The following STPG2 variants were observed in gnomAD, a reference collection of about 807,000 sequenced individuals.
STPG2 encodes sperm tail PG-rich repeat containing 2.
Under a neutral mutation model 54.2 loss-of-function variants are expected in STPG2, and 56 were observed. The ratio of observed to expected loss-of-function variants is 1.03; its 90% CI spans 0.83 to 1.29. STPG2 has a LOEUF of 1.29. Among genes scored for constraint, STPG2 ranks in the 50% most tolerant of loss-of-function variants. STPG2 has a pLI of 0.00. For synonymous variants in STPG2, 200 were observed against 181.8 expected (o/e 1.10, Z -0.81); for missense variants, 596 against 544.9 (o/e 1.09, Z -0.93).
rs114225802 is a variant in STPG2 at position 97,975,826 on chromosome 4, A to G, written c.773-3386T>C. ...AGTGTTTGTCCAAGAACAATCTACA[A>G]GATAAGGGGTTTACAACTAAATGTA... On this transcript the variant is annotated intron_variant, in intron 6 of 10. Transcript: ENST00000295268. 2.8e-3 allele frequency among the ~76,000 whole-genome samples: 433 copies of G among 152,322 alleles called. 2 individuals carry two copies. The highest frequency in any genetic ancestry group is 9.8e-3 in the African/African-American group (408 of 41,578).
intron 9 of STPG2, among the ~76,000 whole-genome samples, chr4:97,779,729 T>C (rs1244751374): frequency 2.6e-5 from 4 of 152,172 alleles, no homozygotes; most frequent in African/African-American, 4.8e-5. Context: ...TAACAGCGGA[T>C]AACTCAGCAG....
intron 5 of STPG2, among the ~76,000 whole-genome samples, chr4:98,037,983 C>T (rs1360034100): frequency 6.6e-6 from 1 of 151,932 alleles, no homozygotes; most frequent in African/African-American, 2.4e-5. Context: ...TTAGATGTGA[C>T]GATTGTATAA....
intron 10 of STPG2, among the ~76,000 whole-genome samples, chr4:97,658,680 A>G (rs1722287998): frequency 6.6e-6 from 1 of 152,234 alleles, no homozygotes; most frequent in Non-Finnish European, 1.5e-5. Context: ...GGATGTGGAC[A>G]TGAGTGGGAC....
chr4:97,924,665 A>T (rs887460570), intron 8 of STPG2, among the ~76,000 whole-genome samples: 1 of 152,226 alleles, frequency 6.6e-6, no homozygotes, highest in Non-Finnish European at 1.5e-5. Context: ...TCTTAAGATG[A>T]TTAGACATTT....
At chr4:97,663,740 TC>T (rs1722442731) in intron 10 of STPG2, among the ~76,000 whole-genome samples, 1 of 152,212 alleles carries the variant, frequency 6.6e-6, no homozygotes, top group Admixed American at 6.5e-5. Context: ...GAGAGCTGTT[TC>T]ATCTGAAGTT....
At position 97,486,383 on chromosome 4, in the gene STPG2, C is replaced by T. The variant is rs56736506; in HGVS notation, c.462+226316G>A. 2.8e-3 allele frequency among the ~76,000 whole-genome samples: 430 copies of T among 151,570 alleles called. 3 individuals are homozygous for T. The highest frequency in any genetic ancestry group is 9.6e-3 in the African/African-American group (398 of 41,436). On this transcript the variant is annotated intron_variant, in intron 4 of 4. Transcript: ENST00000522676. ...GAACATGAATAGACAATTCCCAAAA[C>T]AAGATATACAAATGACCAACAAAAA...
chr4:98,076,063 T>A (rs1738155782), intron 5 of STPG2, among the ~76,000 whole-genome samples: 1 of 152,026 alleles, frequency 6.6e-6, no homozygotes, highest in Admixed American at 6.6e-5. Flanking sequence ...GCTAACATGG[T>A]GAAACTCCAT....
At position 97,904,339 on chromosome 4, in the gene STPG2, G is replaced by C. The variant is rs369244812; in HGVS notation, c.1044+39558C>G. Among the ~76,000 whole-genome samples the C allele has an allele frequency of 2.0e-3, 298 of 152,326 alleles. 3 individuals are homozygous for C. Among genetic ancestry groups the C allele is most frequent in the South Asian group, 0.013 (62 of 4,824 alleles). On this transcript the variant is annotated intron_variant, in intron 8 of 10. Transcript: ENST00000295268. ...TGGGAGGCACCCCCCAGCAGGGGCA[G>C]ACTGACACCTCACACGGCTGGCCAG...
intron 5 of STPG2, among the ~76,000 whole-genome samples, chr4:98,063,522 A>G (rs150008451): frequency 2.4e-3 from 372 of 152,294 alleles, no homozygotes; most frequent in Middle Eastern, 0.02. Flanking sequence ...CAAATTTTAT[A>G]CAATGTAGCC....
intron 5 of STPG2, among the ~76,000 whole-genome samples, chr4:98,063,178 C>T (rs1167076345): frequency 1.3e-5 from 2 of 152,036 alleles, no homozygotes; most frequent in Non-Finnish European, 2.9e-5. Flanking sequence ...AGGCTGGGCA[C>T]GGTGGCTCAC....
chr4:97,913,973 A>G (rs564989845), intron 8 of STPG2, among the ~76,000 whole-genome samples: 8 of 152,286 alleles, frequency 5.3e-5, no homozygotes, highest in Middle Eastern at 3.4e-3. Flanking sequence ...AATCCTGAGA[A>G]TATTCAAGCT....
At chr4:97,729,838 C>T (rs748833742) in intron 9 of STPG2, among the ~76,000 whole-genome samples, 7 of 151,644 alleles carry the variant, frequency 4.6e-5, no homozygotes, top group Admixed American at 1.3e-4. Flanking sequence ...CCTTTTTTTC[C>T]TGCTATTGTA....
intron 8 of STPG2, among the ~76,000 whole-genome samples, chr4:97,904,758 C>T (rs1047603576): frequency 2.6e-5 from 4 of 152,028 alleles, no homozygotes; most frequent in East Asian, 1.9e-4. Context: ...AGAGAAGTGC[C>T]TAAAGGAGCT....
At chr4:97,867,709 A>C (rs1578639257) in intron 8 of STPG2, among the ~76,000 whole-genome samples, 1 of 152,014 alleles carries the variant, frequency 6.6e-6, no homozygotes, top group Non-Finnish European at 1.5e-5. Flanking sequence ...TCCCATAGTA[A>C]TATCAGTTCC....
At chr4:97,671,380 T>C (rs1481576152) in intron 10 of STPG2, among the ~76,000 whole-genome samples, 1 of 152,216 alleles carries the variant, frequency 6.6e-6, no homozygotes, top group African/African-American at 2.4e-5. Context: ...TAAACTTACA[T>C]ATGTAGGCCT....
intron 5 of STPG2, among the ~76,000 whole-genome samples, chr4:98,081,352 A>C (rs906260061): frequency 6.6e-6 from 1 of 152,126 alleles, no homozygotes; most frequent in Non-Finnish European, 1.5e-5. Flanking sequence ...ATTTTTTCCT[A>C]ATGCAAGGTA....
At chr4:97,940,438 G>A (rs1732933663) in intron 8 of STPG2, among the ~76,000 whole-genome samples, 1 of 152,280 alleles carries the variant, frequency 6.6e-6, no homozygotes, top group East Asian at 1.9e-4. Context: ...GGATGCCAGT[G>A]ATTCACAGAC....
intron 6 of STPG2, among the ~76,000 whole-genome samples, chr4:97,974,623 G>C (rs1198170626): frequency 6.6e-6 from 1 of 152,158 alleles, no homozygotes; most frequent in Non-Finnish European, 1.5e-5. Context: ...ATGATAGTGA[G>C]TAAGTCTCAC....
In STPG2 at chr4:97,929,471, G is replaced by T. The variant is rs192013236; in HGVS notation, c.1044+14426C>A. Among the ~76,000 whole-genome samples, 3 of 152,122 alleles carry T rather than the reference G, an allele frequency of 2.0e-5. No individual in the cohort carries two copies. In the East Asian group the frequency reaches 5.8e-4, roughly 29 times the overall value. Reference sequence around the variant, plus strand: ...TGCCACACTGTCTTCTACAATGGTTGAACTAGTTTACACTCCCACCAACAC... The same window carrying T: ...TGCCACACTGTCTTCTACAATGGTTTAACTAGTTTACACTCCCACCAACAC... On this transcript the variant is annotated intron_variant, in intron 8 of 10. Transcript: ENST00000295268.
Sources: gnomAD v4.1 joint callset for allele counts (sites outside exome capture counted in the v4.1 genomes callset) on GRCh38, gnomAD v4.1.1 for gene constraint, MANE v1.5 for transcripts, NCBI Gene and HGNC (gene_info 2026-07-23, HGNC 2026-07-21) for gene names.